ATF6B: variants seen among roughly 807,000 people sequenced by gnomAD.
ATF6B encodes the protein cyclic AMP-dependent transcription factor ATF-6 beta.
Under a neutral mutation model 83.5 loss-of-function variants are expected in ATF6B, and 50 were observed. That is an observed-to-expected ratio of 0.60 (90% CI 0.48 to 0.76). ATF6B has a LOEUF of 0.76. Ranked by LOEUF, ATF6B falls within the 30% of genes least tolerant of loss-of-function variation. ATF6B has a pLI of 0.00. For missense variants in ATF6B, 790 were observed against 893.8 expected (o/e 0.88, Z 1.48); for synonymous variants, 344 against 362.8 (o/e 0.95, Z 0.59).
Position 32,117,035 on chromosome 6 carries a change from A to C in ATF6B, c.1685+2T>G, listed in dbSNP as rs1173336872. ...TAAGTAAGCACCCCACCCCACACTC[A>C]CCTTTCTGGGGGTCCAGGGGGTTGG... On this transcript the variant is annotated splice_donor_variant, in intron 15 of 17. Transcript: ENST00000375203. LOFTEE classifies it high-confidence loss of function. This position sits in a 1 kb window ranked among gnomAD's most constrained non-coding sequence, Gnocchi z 5.0. 6.2e-7 allele frequency: 1 copy of C among 1,613,426 alleles called. No homozygotes were observed. The highest frequency in any genetic ancestry group is 1.3e-5 in the African/African-American group (1 of 74,778).
chr6:32,124,766 C>T (rs1161689503), intron 5 of ATF6B, among the ~76,000 whole-genome samples: 1 of 152,182 alleles, frequency 6.6e-6, no homozygotes, highest in East Asian at 1.9e-4. Context: ...CTCAGGAAAC[C>T]CTTCTTCCAG....
At chr6:32,127,865 A>T (rs976201093) in intron 1 of ATF6B, 115 bp from the exon 2 acceptor site, 1 of 1,206,284 alleles carries the variant, frequency 8.3e-7, no homozygotes, top group Admixed American at 2.1e-5. Flanking sequence ...CCGCCCGCCC[A>T]CTTGAAAAGT....
chr6:32,127,886 G>A, intron 1 of ATF6B, 136 bp from the exon 2 acceptor site: 1 of 1,074,378 alleles, frequency 9.3e-7, no homozygotes, highest in Non-Finnish European at 1.4e-6. Flanking sequence ...GATACAACCA[G>A]GGCGCTTCAG....
Position 32,128,160 on chromosome 6 carries a change from G to C in ATF6B, c.48C>G (p.Phe16Leu), listed in dbSNP as rs752363145. The C allele has an allele frequency of 1.2e-6, 2 of 1,613,052 alleles. No homozygotes were observed. Among genetic ancestry groups the C allele is most frequent in the Non-Finnish European group, 1.7e-6 (2 of 1,180,022 alleles). The change falls in exon 1 of 18, where the codon TTC (phenylalanine) becomes TTG (leucine). Residue 16 changes from phenylalanine to leucine, a missense_variant. Phe to Leu is a conservative substitution (Grantham distance 22, BLOSUM62 0). Coordinates refer to ENST00000375203, the MANE Select transcript of ATF6B (RefSeq NM_004381.5). ...CCGGGCTAAGCAGGTTGTCGGTGAAGAAACGCGTCGGGTCAGCAATCTCGC... is the reference window on the plus strand; with the variant it reads ...CCGGGCTAAGCAGGTTGTCGGTGAACAAACGCGTCGGGTCAGCAATCTCGC... The part of the protein sequence containing the change: ...LLSEIADPTR[F>L]FTDNLLSPED...
chr6:32,121,218 G>A, intron 6 of ATF6B, 45 bp downstream of exon 6: 3 of 1,610,944 alleles, frequency 1.9e-6, no homozygotes, highest in Non-Finnish European at 2.5e-6. Flanking sequence ...AGGTCAGGAG[G>A]AACTCACTGG....
In ATF6B at chr6:32,127,528, A is replaced by T. The variant is rs2127349371; in HGVS notation, c.172-8T>A. On this transcript the variant is annotated splice_region_variant and splice_polypyrimidine_tract_variant and intron_variant, in intron 2 of 17. Coordinates refer to ENST00000375203, the MANE Select transcript of ATF6B (RefSeq NM_004381.5). The stretch of plus-strand genomic sequence containing the variant: ...CAGGGAGCTGCCGTCAAACTAAATA[A>T]GGGAGGATACAAGAGGGCAGGAGTG... The T allele has an allele frequency of 1.9e-6, 3 of 1,613,168 alleles. No individual in the cohort carries two copies. The highest frequency in any genetic ancestry group is 2.2e-5 in the South Asian group (2 of 90,986).
rs935881025 is a variant in ATF6B at position 32,118,047 on chromosome 6, AAAG to A, written c.1245-12_1245-10del. The A allele has an allele frequency of 2.5e-6, 4 of 1,614,186 alleles. No individual in the cohort carries two copies. The highest frequency in any genetic ancestry group is 3.4e-6 in the Non-Finnish European group (4 of 1,180,042). On this transcript the variant is annotated splice_polypyrimidine_tract_variant and intron_variant, in intron 11 of 17. Coordinates refer to ENST00000375203, the MANE Select transcript of ATF6B (RefSeq NM_004381.5). The surrounding 1 kb of genome is among the most constrained non-coding windows in gnomAD (Gnocchi z 5.2). Reference sequence around the variant, plus strand: ...AAGGAGGCTCACTGATGCTGTGGATAAAGAAGGACTGAGCACAATGAAGAATTT... The same window carrying A: ...AAGGAGGCTCACTGATGCTGTGGATAAAGGACTGAGCACAATGAAGAATTT...
chr6:32,126,761 G>A (rs1170169593), intron 4 of ATF6B, among the ~76,000 whole-genome samples: 4 of 152,136 alleles, frequency 2.6e-5, no homozygotes, highest in Non-Finnish European at 5.9e-5. Context: ...TCAGGAGGCT[G>A]AGGCAGGAGG....
rs1781719473 is a variant in ATF6B at position 32,120,527 on chromosome 6, T to C, written c.832+244A>G. The C allele has an allele frequency of 9.0e-6, 3 of 334,964 alleles. No homozygotes were observed. In the East Asian group the frequency reaches 1.6e-4, roughly 18 times the overall value. The allele number at this position is 334,964 out of a possible 1,614,324, so 20.7% of individuals were successfully genotyped here. ...GTGCAGTGGCATGATCTCGGCTCAC[T>C]GCAACCTCCGCCTCCTGGGTTCAAG... On this transcript the variant is annotated intron_variant, in intron 8 of 17. Coordinates refer to ENST00000375203, the MANE Select transcript of ATF6B (RefSeq NM_004381.5).
In ATF6B at chr6:32,119,992, G is replaced by A. The variant is rs1023547112; in HGVS notation, c.833-35C>T. The A allele has an allele frequency of 2.5e-6, 4 of 1,598,488 alleles. No individual in the cohort carries two copies. In the Admixed American group the frequency reaches 5.2e-5, roughly 21 times the overall value. ...GTGAGCAGAGGTCAGAGGGCTGTGC[G>A]CTGGGTGGGGTCCTTGTGTCCACAC... On this transcript the variant is annotated intron_variant, in intron 8 of 17. Transcript: ENST00000375203. This position sits in a 1 kb window ranked among gnomAD's most constrained non-coding sequence, Gnocchi z 4.9.
rs964277128 is a variant in ATF6B at position 32,117,018 on chromosome 6, C to T, written c.1685+19G>A. ...AGTGGAATTTCACTTAATAAGTAAG[C>T]ACCCCACCCCACACTCACCTTTCTG... is the stretch of plus-strand genomic sequence containing the variant. On this transcript the variant is annotated intron_variant, in intron 15 of 17. Transcript: ENST00000375203. This position sits in a 1 kb window ranked among gnomAD's most constrained non-coding sequence, Gnocchi z 5.0. 5 of 1,611,670 alleles carry T rather than the reference C, an allele frequency of 3.1e-6. No individual in the cohort carries two copies. The highest frequency in any genetic ancestry group is 1.7e-5 in the Admixed American group (1 of 59,806).
Position 32,116,069 on chromosome 6 carries a change from AAAG to A in ATF6B, c.1883-104_1883-102del, listed in dbSNP as rs750624979. On this transcript the variant is annotated intron_variant, in intron 17 of 17. Transcript: ENST00000375203. This position sits in a 1 kb window ranked among gnomAD's most constrained non-coding sequence, Gnocchi z 5.1. ...GAAAAGTAGAGGTGAGCAGAGAGAA[AAAG>A]AAAGGGCAATAGTGAGGAGGCAGAT... 24 of 861,630 alleles carry A rather than the reference AAAG, an allele frequency of 2.8e-5. No homozygotes were observed. The highest frequency in any genetic ancestry group is 3.1e-4 in the Middle Eastern group (1 of 3,240). 53.4% of individuals were successfully genotyped at this position (861,630 alleles called of 1,614,324 possible).
In ATF6B at chr6:32,126,167, G is replaced by A. The variant is rs142391858; in HGVS notation, c.428C>T (p.Ser143Leu). 8.1e-6 allele frequency: 13 copies of A among 1,614,108 alleles called. No individual in the cohort carries two copies. In the African/African-American group the frequency reaches 1.6e-4, roughly 20 times the overall value. Residue 143 changes from serine (S) to leucine (L), a missense_variant, in exon 5 of 18, where the codon TCA becomes TTA. By Grantham distance (145) the Ser-to-Leu change is moderately radical. Transcript: ENST00000375203. ...AACGTTGATCTGGACGGTTTCAAAT[G>A]AGGATGTTGGGTCATCTCCCAGGAG... Reference protein sequence around the residue: ...LCLLGDDPTSSFETVQINVIP... With the variant: ...LCLLGDDPTSLFETVQINVIP...
intron 4 of ATF6B, among the ~76,000 whole-genome samples, chr6:32,126,589 T>C (rs1383928776): frequency 6.6e-6 from 1 of 152,312 alleles, no homozygotes; most frequent in Admixed American, 6.5e-5. Context: ...TCAGGCGTGG[T>C]GGCTTATACC....
Position 32,118,450 on chromosome 6 carries a change from G to C in ATF6B, c.1244+325C>G, listed in dbSNP as rs1376488056. On this transcript the variant is annotated intron_variant, in intron 11 of 17. Coordinates refer to ENST00000375203, the MANE Select transcript of ATF6B (RefSeq NM_004381.5). The surrounding 1 kb of genome is among the most constrained non-coding windows in gnomAD (Gnocchi z 5.2). ...CTCTACTAAAAAATACAAAAAATTA[G>C]CCGGGCATGGTGGCGTGCGCCTGTA... Among the ~76,000 whole-genome samples, 5 of 152,148 alleles carry C rather than the reference G, an allele frequency of 3.3e-5. No individual in the cohort carries two copies. The highest frequency in any genetic ancestry group is 1.2e-4 in the African/African-American group (5 of 41,434).
chr6:32,128,144 G>A lies in ATF6B; in HGVS notation c.64C>T (p.Leu22Phe), dbSNP rs1358790305. ...TGCAGACCCCAGTCCTCCGGGCTAA[G>A]CAGGTTGTCGGTGAAGAAACGCGTC... ...DPTRFFTDNL[L>F]SPEDWGLQNS... is the part of the protein sequence containing the mutation. Residue 22 changes from leucine (L) to phenylalanine (F), a missense_variant, in exon 1 of 18, where the codon CTT (leucine) becomes TTT (phenylalanine). Physicochemically the swap from Leu to Phe is conservative, Grantham distance 22 (BLOSUM62 0). Transcript: ENST00000375203. The A allele has an allele frequency of 6.2e-7, 1 of 1,613,304 alleles. No homozygotes were observed. Among genetic ancestry groups the A allele is most frequent in the African/African-American group, 1.3e-5 (1 of 74,958 alleles).
At position 32,123,056 on chromosome 6, in the gene ATF6B, G is replaced by A. The variant is rs891634881; in HGVS notation, c.479-1708C>T. On this transcript the variant is annotated intron_variant, in intron 5 of 17. Transcript: ENST00000375203. ...AGCCTGAACAACATGGCAAAACCCT[G>A]TCTCTACCAAAAATACAAAAAAATA... Among the ~76,000 whole-genome samples the A allele has an allele frequency of 6.6e-5, 10 of 151,398 alleles. 1 individual carries two copies. The highest frequency in any genetic ancestry group is 4.0e-4 in the Admixed American group (6 of 15,138).
chr6:32,128,194 A>AT lies in ATF6B; in HGVS notation c.13dup (p.Met5AsnfsTer8). 1.2e-6 allele frequency: 2 copies of AT among 1,612,004 alleles called. No homozygotes were observed. The highest frequency in any genetic ancestry group is 1.7e-6 in the Non-Finnish European group (2 of 1,179,690). Reference sequence around the variant, plus strand: ...CGGGTCAGCAATCTCGCTGAGCAGCATCAGCTCCGCCATCTTTCCCCCCCA... The same window carrying AT: ...CGGGTCAGCAATCTCGCTGAGCAGCATTCAGCTCCGCCATCTTTCCCCCCCA... On this transcript the variant is annotated frameshift_variant, in exon 1 of 18. Coordinates refer to ENST00000375203, the MANE Select transcript of ATF6B (RefSeq NM_004381.5). LOFTEE classifies it high-confidence loss of function.
At position 32,120,949 on chromosome 6, in the gene ATF6B, C is replaced by T. The variant is rs186495625; in HGVS notation, c.700+40G>A. On this transcript the variant is annotated intron_variant, in intron 7 of 17. Coordinates refer to ENST00000375203, the MANE Select transcript of ATF6B (RefSeq NM_004381.5). Reference sequence around the variant, plus strand: ...GAACAAGAAATGTCAGGACCAAAGGCCTCTCACTAGGGATTCCAAGTGTCA... The same window carrying T: ...GAACAAGAAATGTCAGGACCAAAGGTCTCTCACTAGGGATTCCAAGTGTCA... The T allele has an allele frequency of 4.2e-4, 640 of 1,520,158 alleles. 2 individuals are homozygous for T. In the African/African-American group the frequency reaches 4.4e-3, roughly 10 times the overall value. The allele number at this position is 1,520,158 out of a possible 1,614,324, so 94.2% of individuals were successfully genotyped here.
Sources: allele counts gnomAD v4.1 joint callset (sites outside exome capture counted in the v4.1 genomes callset), GRCh38; gene constraint gnomAD v4.1.1; non-coding constraint Gnocchi (gnomAD v3.1); transcripts MANE v1.5; gene names NCBI Gene and HGNC (gene_info 2026-07-23, HGNC 2026-07-21).